The following SIPA1L3 variants were observed in gnomAD, a reference collection of about 807,000 sequenced individuals.
The protein encoded by SIPA1L3 is signal-induced proliferation-associated 1-like protein 3.
A neutral mutation model predicts 150.1 loss-of-function variants in SIPA1L3; 59 were observed. The observed-to-expected ratio is 0.39, with a 90% CI of 0.32 to 0.49. The LOEUF (loss-of-function observed/expected upper bound fraction) is 0.49. Among genes scored for constraint, SIPA1L3 ranks in the 20% least tolerant of loss-of-function variants. SIPA1L3 has a pLI of 0.86. For synonymous variants in SIPA1L3, 1,070 were observed against 1,077.6 expected, an observed-to-expected ratio of 0.99 and a Z score of 0.14; for missense variants, 2,211 against 2,489.5, an observed-to-expected ratio of 0.89 and a Z score of 2.38.
chr19:37,969,873 G>A (rs2046938066), intron 1 of SIPA1L3, among the ~76,000 whole-genome samples: 1 of 152,118 alleles, frequency 6.6e-6, no homozygotes, highest in African/African-American at 2.4e-5. Flanking sequence ...GCTTGGCAAA[G>A]CTTCATAGCA....
At chr19:38,174,310 C>T (rs984727477) in intron 15 of SIPA1L3, among the ~76,000 whole-genome samples, 2 of 152,098 alleles carry the variant, frequency 1.3e-5, no homozygotes, top group South Asian at 2.1e-4. Context: ...CAATTCCAGC[C>T]GCATGCAGGG....
chr19:38,089,345 A>G (rs1417776858), intron 4 of SIPA1L3, among the ~76,000 whole-genome samples: 2 of 151,780 alleles, frequency 1.3e-5, no homozygotes, highest in Non-Finnish European at 1.5e-5. Flanking sequence ...AAAAAAAAAA[A>G]AAGAAAAAAA....
chr19:37,990,814 G>A lies in SIPA1L3; in HGVS notation c.-378-38275G>A, dbSNP rs370318401. Reference sequence around the variant, plus strand: ...CAGCAGACACGCTCAGTGCCAGGCCGTATTCCGAGTGCTTTTTAATCCCCA... The same window carrying A: ...CAGCAGACACGCTCAGTGCCAGGCCATATTCCGAGTGCTTTTTAATCCCCA... On this transcript the variant is annotated intron_variant, in intron 1 of 21. Coordinates refer to ENST00000222345, the MANE Select transcript of SIPA1L3 (RefSeq NM_015073.3). 8.5e-5 allele frequency among the ~76,000 whole-genome samples: 13 copies of A among 152,360 alleles called. No homozygotes were observed. The East Asian group carries it at 1.2e-3, about 14-fold the overall frequency.
intron 9 of SIPA1L3, among the ~76,000 whole-genome samples, chr19:38,124,186 G>A (rs1436892867): frequency 3.3e-5 from 5 of 150,714 alleles, no homozygotes; most frequent in Middle Eastern, 3.4e-3. Context: ...CTGGGCGGAG[G>A]GTCTCCTCAC....
chr19:37,997,444 TGTA>T (rs1967665262), intron 1 of SIPA1L3, among the ~76,000 whole-genome samples: 2 of 151,562 alleles, frequency 1.3e-5, no homozygotes, highest in Non-Finnish European at 1.5e-5. Context: ...AGCATATGCC[TGTA>T]GTCTCAGCTA....
In SIPA1L3 at chr19:38,152,929, T is replaced by A. The variant is rs1479683726; in HGVS notation, c.3623T>A (p.Leu1208Gln). The A allele has an allele frequency of 6.2e-7, 1 of 1,613,664 alleles. No individual in the cohort carries two copies. The highest frequency in any genetic ancestry group is 1.7e-5 in the Admixed American group (1 of 59,960). Residue 1208 changes from leucine (L) to glutamine (Q), a missense_variant, in exon 13 of 22, where the codon CTG (leucine) becomes CAG (glutamine). Coordinates refer to ENST00000222345, the MANE Select transcript of SIPA1L3 (RefSeq NM_015073.3). ...AGCGGCGACTCCTCTTCCGGCGGCCTGACCAGCCAGGAGAGCACCATGGAA... is the reference window on the plus strand; with the variant it reads ...AGCGGCGACTCCTCTTCCGGCGGCCAGACCAGCCAGGAGAGCACCATGGAA... ...TSSGDSSSGG[L>Q]TSQESTMERQ... is the part of the protein sequence containing the mutation.
chr19:37,916,170 G>A (rs1262321244), intron 1 of SIPA1L3, among the ~76,000 whole-genome samples: 1 of 151,850 alleles, frequency 6.6e-6, no homozygotes, highest in African/African-American at 2.4e-5. Flanking sequence ...GGGATTACAG[G>A]CGCCCACCAC....
At chr19:38,125,956 C>G (rs560084872) in intron 9 of SIPA1L3, among the ~76,000 whole-genome samples, 1 of 152,098 alleles carries the variant, frequency 6.6e-6, no homozygotes, top group Non-Finnish European at 1.5e-5. Context: ...GGTGGATCAC[C>G]AGGTCAAGAG....
At chr19:38,072,860 C>T (rs974380389) in intron 2 of SIPA1L3, among the ~76,000 whole-genome samples, 8 of 152,252 alleles carry the variant, frequency 5.3e-5, no homozygotes, top group African/African-American at 9.6e-5. Context: ...CATTGCAGCC[C>T]TCACAGAGTT....
At chr19:38,113,884 T>G (rs539677761) in intron 8 of SIPA1L3, among the ~76,000 whole-genome samples, 1 of 152,292 alleles carries the variant, frequency 6.6e-6, no homozygotes, top group Admixed American at 6.5e-5. Context: ...GTCTGCTGGT[T>G]GTTTCGTGAG....
At chr19:37,989,562 C>T (rs1282524409) in intron 1 of SIPA1L3, among the ~76,000 whole-genome samples, 1 of 151,946 alleles carries the variant, frequency 6.6e-6, no homozygotes, top group Non-Finnish European at 1.5e-5. Context: ...CTCCATTTTA[C>T]AAATGAAGAC....
intron 4 of SIPA1L3, among the ~76,000 whole-genome samples, chr19:38,089,302 G>A (rs1272363235): frequency 6.7e-6 from 1 of 148,678 alleles, no homozygotes; most frequent in African/African-American, 2.5e-5. Context: ...TGCCAGCCTG[G>A]GTGACAGAGT....
intron 8 of SIPA1L3, among the ~76,000 whole-genome samples, chr19:38,117,033 A>C (rs1052265710): frequency 2.6e-5 from 4 of 152,198 alleles, no homozygotes; most frequent in Admixed American, 2.6e-4. Context: ...AAATCTCCAA[A>C]TGTGACTCAT....
intron 15 of SIPA1L3, among the ~76,000 whole-genome samples, 176 bp from the exon 16 acceptor site, chr19:38,182,343 T>C (rs1215814465): frequency 6.6e-6 from 1 of 152,092 alleles, no homozygotes; most frequent in Non-Finnish European, 1.5e-5. Context: ...CAGGCAGTCT[T>C]CCCTTTTCTA....
chr19:38,004,798 A>G (rs1339824552), intron 1 of SIPA1L3, among the ~76,000 whole-genome samples: 2 of 152,148 alleles, frequency 1.3e-5, no homozygotes, highest in Non-Finnish European at 2.9e-5. Context: ...CAGGACACAC[A>G]TGCCACTGTA....
At chr19:38,017,479 G>C (rs893198812) in intron 1 of SIPA1L3, among the ~76,000 whole-genome samples, 3 of 149,580 alleles carry the variant, frequency 2.0e-5, no homozygotes, top group African/African-American at 7.4e-5. Context: ...TCCTTCCACT[G>C]TCCTCACCCT....
At chr19:38,161,490 C>T (rs1179792064) in intron 13 of SIPA1L3, among the ~76,000 whole-genome samples, 7 of 147,156 alleles carry the variant, frequency 4.8e-5, no homozygotes, top group East Asian at 4.2e-4. Context: ...TTTGGGAGGC[C>T]GAGGCAGGTG....
At chr19:37,920,058 A>ATT (rs770521761) in intron 1 of SIPA1L3, among the ~76,000 whole-genome samples, 9 of 119,616 alleles carry the variant, frequency 7.5e-5, no homozygotes, top group Admixed American at 1.7e-4. Context: ...TTGGTTTGTA[A>ATT]TTTTTTTTTT....
At chr19:38,196,004 T>C (rs997396693) in intron 18 of SIPA1L3, among the ~76,000 whole-genome samples, 2 of 151,890 alleles carry the variant, frequency 1.3e-5, no homozygotes, top group Non-Finnish European at 2.9e-5. Context: ...ACACACACCC[T>C]TCTCTGTCCA....
Sources: allele counts gnomAD v4.1 joint callset (sites outside exome capture counted in the v4.1 genomes callset), GRCh38; gene constraint gnomAD v4.1.1; transcripts MANE v1.5; gene names NCBI Gene and HGNC (gene_info 2026-07-23, HGNC 2026-07-21).